Variants in GRIN2B observed in about 807,000 individuals in gnomAD.
GRIN2B encodes glutamate receptor ionotropic, NMDA 2B.
GRIN2B carries 5 observed loss-of-function variants against 114.5 expected under a neutral mutation model. The observed-to-expected ratio is 0.04, with a 90% confidence interval of 0.02 to 0.09. The LOEUF (loss-of-function observed/expected upper bound fraction) is 0.09. Ranked by LOEUF, GRIN2B falls within the 10% of genes least tolerant of loss-of-function variation. The pLI is 1.00. For missense variants in GRIN2B, 1,108 were observed against 1,943.5 expected (o/e 0.57, Z 8.08); for synonymous variants, 787 against 745.1 (o/e 1.06, Z -0.92).
At chr12:13,920,658 C>G (rs1437980287) in intron 2 of GRIN2B, among the ~76,000 whole-genome samples, 1 of 152,152 alleles carries the variant, frequency 6.6e-6, no homozygotes, top group African/African-American at 2.4e-5. Context: ...AAAGAAGCTG[C>G]TATGCTCCAG....
At chr12:13,827,527 A>G (rs1330478605) in intron 3 of GRIN2B, among the ~76,000 whole-genome samples, 1 of 151,920 alleles carries the variant, frequency 6.6e-6, no homozygotes, top group Non-Finnish European at 1.5e-5. Context: ...ATTTTATTAC[A>G]ATGCCTAATC....
rs1020915510 is a variant in GRIN2B at position 13,710,755 on chromosome 12, T to C, written c.1011-34896A>G. ...TACAAACAAATGGAAGAACATTCCATGCTCATGGGTAGGAAGAATCAATAC... is the reference window on the plus strand; with the variant it reads ...TACAAACAAATGGAAGAACATTCCACGCTCATGGGTAGGAAGAATCAATAC... On this transcript the variant is annotated intron_variant, in intron 4 of 13. Transcript: ENST00000609686. 1.2e-4 allele frequency among the ~76,000 whole-genome samples: 19 copies of C among 152,190 alleles called. 1 individual carries two copies. Among genetic ancestry groups the C allele is most frequent in the Admixed American group, 9.8e-4 (15 of 15,272 alleles).
chr12:13,925,394 A>G (rs1478771273), intron 2 of GRIN2B, among the ~76,000 whole-genome samples: 1 of 152,254 alleles, frequency 6.6e-6, no homozygotes, highest in Non-Finnish European at 1.5e-5. Flanking sequence ...CTGTTATGTC[A>G]CAAAAGGACT....
chr12:13,954,823 A>AAAAAAAC (rs1555161315), intron 2 of GRIN2B, among the ~76,000 whole-genome samples: 1 of 147,670 alleles, frequency 6.8e-6, no homozygotes, highest in Non-Finnish European at 1.5e-5. Flanking sequence ...AAAAAAAAAA[A>AAAAAAAC]AAAAAACTTT....
intron 5 of GRIN2B, among the ~76,000 whole-genome samples, chr12:13,662,136 A>AT (rs996085898): frequency 6.6e-6 from 1 of 152,178 alleles, no homozygotes; most frequent in African/African-American, 2.4e-5. Flanking sequence ...ATGCTTCTTG[A>AT]TTTTTTGGAA....
intron 5 of GRIN2B, among the ~76,000 whole-genome samples, chr12:13,619,082 T>C (rs1298109022): frequency 6.6e-6 from 1 of 152,170 alleles, no homozygotes; most frequent in East Asian, 1.9e-4. Context: ...GCCTGGGTAG[T>C]CTTTTAGAAA....
Position 13,643,747 on chromosome 12 carries a change from C to T in GRIN2B, c.1126-27090G>A, listed in dbSNP as rs1022102042. ...TTATGTAATATTCTAAATTCTTTTT[C>T]GTTATTTCGACAATGTTATGGCATC... On this transcript the variant is annotated intron_variant, in intron 5 of 13. Coordinates refer to ENST00000609686, the MANE Select transcript of GRIN2B (RefSeq NM_000834.5). Among the ~76,000 whole-genome samples the T allele has an allele frequency of 6.6e-5, 10 of 152,170 alleles. No individual in the cohort carries two copies. In the East Asian group the frequency reaches 1.4e-3, roughly 21 times the overall value.
Position 13,564,157 on chromosome 12 carries a change from G to C in GRIN2B, c.3081C>G (p.Leu1027=). 6.2e-7 allele frequency: 1 copy of C among 1,614,164 alleles called. No homozygotes were observed. Among genetic ancestry groups the C allele is most frequent in the Non-Finnish European group, 8.5e-7 (1 of 1,180,020 alleles). Residue 1027 remains leucine, a synonymous_variant, in exon 14 of 14, where the codon CTC becomes CTG. Coordinates refer to ENST00000609686, the MANE Select transcript of GRIN2B (RefSeq NM_000834.5). The surrounding 1 kb of genome is among the most constrained non-coding windows in gnomAD (Gnocchi z 4.8). ...SISKKPLDIG[L]PSSKHSQLSD... ...TGAGCTGGCTGTGCTTGGAGGAGGG[G>C]AGGCCGATGTCCAGGGGCTTCTTGC...
At chr12:13,935,344 C>T (rs1056023226) in intron 2 of GRIN2B, among the ~76,000 whole-genome samples, 1 of 152,182 alleles carries the variant, frequency 6.6e-6, no homozygotes, top group Admixed American at 6.5e-5. Context: ...ATGACCACAC[C>T]TTCTTTTGGG....
At chr12:13,831,852 C>T (rs1865153986) in intron 3 of GRIN2B, among the ~76,000 whole-genome samples, 1 of 152,044 alleles carries the variant, frequency 6.6e-6, no homozygotes, top group Admixed American at 6.6e-5. Context: ...ATCAGCAGGC[C>T]CAAAATAAAT....
At chr12:13,593,373 G>T (rs922811968) in intron 10 of GRIN2B, among the ~76,000 whole-genome samples, 1 of 152,020 alleles carries the variant, frequency 6.6e-6, no homozygotes, top group Admixed American at 6.6e-5. Context: ...CAGAACAGAG[G>T]CCTCAGAAAT....
chr12:13,942,370 G>A (rs1379403343), intron 2 of GRIN2B, among the ~76,000 whole-genome samples: 2 of 141,542 alleles, frequency 1.4e-5, no homozygotes, highest in Non-Finnish European at 3.1e-5. Context: ...TACATACTAT[G>A]TCTATACTTC....
intron 2 of GRIN2B, among the ~76,000 whole-genome samples, chr12:13,910,829 A>G (rs962935458): frequency 6.6e-6 from 1 of 152,100 alleles, no homozygotes; most frequent in African/African-American, 2.4e-5. Flanking sequence ...ATCTCATGGC[A>G]TCTCTCAGGA....
At position 13,566,529 on chromosome 12, in the gene GRIN2B, T is replaced by A. The variant is rs532797906; in HGVS notation, c.2598+496A>T. 3.3e-5 allele frequency among the ~76,000 whole-genome samples: 5 copies of A among 152,350 alleles called. No homozygotes were observed. In the South Asian group the frequency reaches 8.3e-4, roughly 25 times the overall value. Reference sequence around the variant, plus strand: ...ATGTAAATTTCTTATGAGTCAGAGCTTATTTCTAAAGGTTCTGTTAAGCTC... The same window carrying A: ...ATGTAAATTTCTTATGAGTCAGAGCATATTTCTAAAGGTTCTGTTAAGCTC... On this transcript the variant is annotated intron_variant, in intron 13 of 13. Coordinates refer to ENST00000609686, the MANE Select transcript of GRIN2B (RefSeq NM_000834.5).
At chr12:13,654,153 C>T (rs1330552662) in intron 5 of GRIN2B, among the ~76,000 whole-genome samples, 1 of 151,984 alleles carries the variant, frequency 6.6e-6, no homozygotes, top group African/African-American at 2.4e-5. Flanking sequence ...TAGAGTGGCT[C>T]AATGGGAATC....
chr12:13,623,607 A>G (rs1404635900), intron 5 of GRIN2B, among the ~76,000 whole-genome samples: 2 of 152,118 alleles, frequency 1.3e-5, no homozygotes, highest in Admixed American at 6.6e-5. Flanking sequence ...ATCTAGTCAC[A>G]TCTTTTATCC....
intron 5 of GRIN2B, among the ~76,000 whole-genome samples, chr12:13,661,887 A>G (rs1949927100): frequency 6.6e-6 from 1 of 152,204 alleles, no homozygotes; most frequent in Non-Finnish European, 1.5e-5. Context: ...TAGGCCGTAT[A>G]GAACATGTCG....
chr12:13,805,371 G>C (rs1419437749), intron 3 of GRIN2B, among the ~76,000 whole-genome samples: 1 of 152,116 alleles, frequency 6.6e-6, no homozygotes, highest in East Asian at 1.9e-4. Flanking sequence ...GTTATATCTA[G>C]AAAAGCCTGA....
At position 13,567,143 on chromosome 12, in the gene GRIN2B, G is replaced by A. The variant is rs748075089; in HGVS notation, c.2480C>T (p.Ala827Val). The change falls in exon 13 of 14, where the codon GCG becomes GTG. Residue 827 changes from alanine (A) to valine (V), a missense_variant. Coordinates refer to ENST00000609686, the MANE Select transcript of GRIN2B (RefSeq NM_000834.5). ...GGTGATGAGGCTGAGAGCCATGGCC[G>A]CCCCCAACATGTAGAAGACCCCTGC... ...NMAGVFYMLG[A>V]AMALSLITFI... The A allele has an allele frequency of 1.2e-6, 2 of 1,613,758 alleles. No individual in the cohort carries two copies. The highest frequency in any genetic ancestry group is 1.7e-5 in the Admixed American group (1 of 60,010).
Sources: allele counts gnomAD v4.1 joint callset (sites outside exome capture counted in the v4.1 genomes callset), GRCh38; gene constraint gnomAD v4.1.1; non-coding constraint Gnocchi (gnomAD v3.1); transcripts MANE v1.5; gene names NCBI Gene and HGNC (gene_info 2026-07-23, HGNC 2026-07-21).